The following SLC39A11 variants were observed in gnomAD, a reference collection of about 807,000 sequenced individuals.
SLC39A11 encodes solute carrier family 39 member 11.
SLC39A11 carries 33 observed loss-of-function variants against 36.1 expected under a neutral mutation model. The ratio of observed to expected loss-of-function variants is 0.91; its 90% confidence interval spans 0.69 to 1.22. The LOEUF is 1.22. SLC39A11 is among the 50% of genes most tolerant of loss of function. SLC39A11 has a pLI of 0.00. For synonymous variants in SLC39A11, 166 were observed against 170.3 expected (o/e 0.97, Z 0.20); for missense variants, 432 against 430.3 (o/e 1.00, Z -0.03).
intron 5 of SLC39A11, among the ~76,000 whole-genome samples, chr17:72,914,110 A>G (rs1230478484): frequency 1.3e-5 from 2 of 151,854 alleles, no homozygotes; most frequent in African/African-American, 4.8e-5. Flanking sequence ...AGATCAGGAG[A>G]TCAAGACCAT....
intron 3 of SLC39A11, among the ~76,000 whole-genome samples, chr17:73,077,338 A>C (rs2060356273): frequency 6.6e-6 from 1 of 152,130 alleles, no homozygotes; most frequent in Non-Finnish European, 1.5e-5. Flanking sequence ...TTGTTTTGGG[A>C]GTGGGTTTCA....
At chr17:73,056,568 TG>T (rs1482791684) in intron 3 of SLC39A11, among the ~76,000 whole-genome samples, 1 of 152,176 alleles carries the variant, frequency 6.6e-6, no homozygotes, top group Non-Finnish European at 1.5e-5. Context: ...CTGGGATCTG[TG>T]GTGGCTGGCA....
intron 6 of SLC39A11, among the ~76,000 whole-genome samples, chr17:72,742,375 A>G (rs558054108): frequency 6.6e-6 from 1 of 152,132 alleles, no homozygotes; most frequent in Non-Finnish European, 1.5e-5. Flanking sequence ...TCATGAGAAT[A>G]TGAACTTCGA....
chr17:73,061,059 T>A (rs2059825141), intron 3 of SLC39A11, among the ~76,000 whole-genome samples: 2 of 152,220 alleles, frequency 1.3e-5, no homozygotes, highest in Non-Finnish European at 2.9e-5. Context: ...ATCATTAAAC[T>A]GGGTAAGAAT....
At chr17:72,933,621 G>C (rs2147469496) in intron 5 of SLC39A11, among the ~76,000 whole-genome samples, 1 of 152,214 alleles carries the variant, frequency 6.6e-6, no homozygotes, top group South Asian at 2.1e-4. Flanking sequence ...CCGGGTTCAA[G>C]CGATTATCTA....
intron 3 of SLC39A11, among the ~76,000 whole-genome samples, chr17:73,034,226 GTTC>G (rs1490068841): frequency 1.3e-5 from 2 of 152,124 alleles, no homozygotes; most frequent in Non-Finnish European, 2.9e-5. Context: ...AAAGGTGCCC[GTTC>G]TTCTTTGCAT....
intron 3 of SLC39A11, among the ~76,000 whole-genome samples, chr17:73,042,702 G>A (rs748495957): frequency 1.3e-5 from 2 of 152,200 alleles, no homozygotes; most frequent in African/African-American, 2.4e-5. Context: ...TTGGGAGGCT[G>A]AGGCAGTAAG....
Position 72,900,152 on chromosome 17 carries a change from G to GAAAGA in SLC39A11, c.430+47599_430+47600insTCTTT, listed in dbSNP as rs1567912268. ...AAAGAAAGAAAGAAAAAGAAAGAAA[G>GAAAGA]AAAAGAAAGAAAGAAAGAAAGAAAG... On this transcript the variant is annotated intron_variant, in intron 5 of 9. Transcript: ENST00000255559. Among the ~76,000 whole-genome samples the GAAAGA allele has an allele frequency of 1.0e-4, 4 of 38,792 alleles. No individual in the cohort carries two copies. In the East Asian group the frequency reaches 2.4e-3, roughly 24 times the overall value. The allele number at this position is 38,792 out of a possible 152,430, so 25.4% of individuals were successfully genotyped here.
chr17:72,815,887 C>T (rs751055209), intron 6 of SLC39A11, among the ~76,000 whole-genome samples: 1 of 152,252 alleles, frequency 6.6e-6, no homozygotes, highest in Non-Finnish European at 1.5e-5. Flanking sequence ...GGCCATTGCA[C>T]TCCAGCCTGA....
chr17:72,835,995 G>A (rs769999355), intron 6 of SLC39A11, among the ~76,000 whole-genome samples: 7 of 152,096 alleles, frequency 4.6e-5, no homozygotes, highest in Admixed American at 1.3e-4. Flanking sequence ...GGTGATAGGT[G>A]TGCAGGGGCC....
intron 5 of SLC39A11, among the ~76,000 whole-genome samples, chr17:72,907,378 T>G (rs8077667): frequency 0.012 from 1,882 of 152,158 alleles, 35 homozygotes; most frequent in African/African-American, 0.043. Context: ...TAATCCCAGC[T>G]ACTCGGGAGG....
At chr17:72,811,663 G>C (rs1174598047) in intron 6 of SLC39A11, among the ~76,000 whole-genome samples, 1 of 152,174 alleles carries the variant, frequency 6.6e-6, no homozygotes, top group African/African-American at 2.4e-5. Context: ...TTACAACAAA[G>C]AGGTGAACTA....
intron 6 of SLC39A11, among the ~76,000 whole-genome samples, chr17:72,818,166 G>A (rs2077645444): frequency 6.6e-6 from 1 of 152,122 alleles, no homozygotes; most frequent in Non-Finnish European, 1.5e-5. Flanking sequence ...ACCATATCAG[G>A]GGTCCTTTCA....
At chr17:72,797,692 G>A (rs753358606) in intron 6 of SLC39A11, among the ~76,000 whole-genome samples, 24 of 152,192 alleles carry the variant, frequency 1.6e-4, no homozygotes, top group East Asian at 5.8e-4. Flanking sequence ...ATCGTGGCCC[G>A]GCTCTGCAGA....
chr17:72,804,809 C>T (rs1034894653), intron 6 of SLC39A11, among the ~76,000 whole-genome samples: 8 of 152,144 alleles, frequency 5.3e-5, no homozygotes, highest in Admixed American at 2.6e-4. Context: ...ATCACGAGGT[C>T]AGGGGATCAA....
intron 4 of SLC39A11, among the ~76,000 whole-genome samples, chr17:72,999,507 A>T (rs1278128736): frequency 1.3e-5 from 2 of 152,192 alleles, no homozygotes; most frequent in African/African-American, 4.8e-5. Context: ...CTAAACCATC[A>T]AACAGTTCTC....
intron 3 of SLC39A11, chr17:73,067,845 G>A (rs762521963): frequency 3.6e-5 from 58 of 1,592,216 alleles, no homozygotes; most frequent in Admixed American, 5.0e-5. Flanking sequence ...ATTTAATGTA[G>A]CAAGTTGATT....
At chr17:73,085,642 C>CA (rs35729985) in intron 2 of SLC39A11, among the ~76,000 whole-genome samples, 34,915 of 101,826 alleles carry the variant, frequency 0.34, 5,654 homozygotes, top group Middle Eastern at 0.51. Context: ...AACTCCGCCT[C>CA]AAAAAAAAAA....
chr17:72,909,432 C>T (rs544936781), intron 5 of SLC39A11, among the ~76,000 whole-genome samples: 2 of 152,274 alleles, frequency 1.3e-5, no homozygotes, highest in East Asian at 3.9e-4. Flanking sequence ...TTATTAGCAC[C>T]CATCAGACGG....
Sources: gnomAD v4.1 joint callset for allele counts (sites outside exome capture counted in the v4.1 genomes callset) on GRCh38, gnomAD v4.1.1 for gene constraint, MANE v1.5 for transcripts, NCBI Gene and HGNC (gene_info 2026-07-23, HGNC 2026-07-21) for gene names.